The following PDZRN3 variants were observed in gnomAD, a reference collection of about 807,000 sequenced individuals.
PDZRN3 encodes the protein PDZ domain containing ring finger 3.
PDZRN3 carries 38 observed loss-of-function variants against 85.7 expected under a neutral mutation model. The observed-to-expected ratio is 0.44, with a 90% CI of 0.34 to 0.58. PDZRN3 has a LOEUF of 0.58. PDZRN3 is among the 20% of genes least tolerant of loss of function. The pLI, the probability that PDZRN3 is intolerant of heterozygous loss-of-function variation, is 0.01. For missense variants in PDZRN3, 1,629 were observed against 1,506.4 expected (o/e 1.08, Z -1.35); for synonymous variants, 759 against 638.0 (o/e 1.19, Z -2.86).
At chr3:73,521,974 A>C (rs1704377942) in intron 3 of PDZRN3, among the ~76,000 whole-genome samples, 1 of 152,230 alleles carries the variant, frequency 6.6e-6, no homozygotes, top group Admixed American at 6.5e-5. Context: ...AATCTGGCCC[A>C]TGGGCTGTTT....
chr3:73,441,587 C>G (rs997727550), intron 3 of PDZRN3, among the ~76,000 whole-genome samples: 9 of 152,096 alleles, frequency 5.9e-5, no homozygotes, highest in Non-Finnish European at 1.2e-4. Flanking sequence ...ATTTCTCTTA[C>G]CCCTATTTTA....
At chr3:73,501,117 A>G (rs1240153521) in intron 3 of PDZRN3, among the ~76,000 whole-genome samples, 1 of 152,212 alleles carries the variant, frequency 6.6e-6, no homozygotes, top group Non-Finnish European at 1.5e-5. Flanking sequence ...TTATCATTAT[A>G]AACTCTTGCT....
intron 3 of PDZRN3, among the ~76,000 whole-genome samples, chr3:73,462,114 T>C (rs1703116466): frequency 6.6e-6 from 1 of 152,222 alleles, no homozygotes; most frequent in African/African-American, 2.4e-5. Context: ...AAAAGCAAGA[T>C]GTCAGATAGA....
chr3:73,568,934 T>C (rs1439938226), intron 3 of PDZRN3, among the ~76,000 whole-genome samples: 2 of 152,206 alleles, frequency 1.3e-5, no homozygotes, highest in Non-Finnish European at 2.9e-5. Context: ...AGATTTGCAC[T>C]GTAGCAGGGA....
chr3:73,461,831 G>T (rs965977889), intron 3 of PDZRN3, among the ~76,000 whole-genome samples: 1 of 152,202 alleles, frequency 6.6e-6, no homozygotes, highest in Admixed American at 6.5e-5. Flanking sequence ...CAGAGAAAGG[G>T]TCATGATTCA....
chr3:73,574,974 A>AT (rs1237623486), intron 3 of PDZRN3, among the ~76,000 whole-genome samples: 1 of 152,240 alleles, frequency 6.6e-6, no homozygotes, highest in Non-Finnish European at 1.5e-5. Context: ...ATAAGGTGTC[A>AT]TTCCTTTGAA....
At chr3:73,438,749 C>A (rs930325146) in intron 3 of PDZRN3, among the ~76,000 whole-genome samples, 1 of 152,182 alleles carries the variant, frequency 6.6e-6, no homozygotes, top group Admixed American at 6.5e-5. Flanking sequence ...TACTACTGTT[C>A]GCCGGGCTAG....
At chr3:73,523,555 T>C (rs1282949480) in intron 3 of PDZRN3, among the ~76,000 whole-genome samples, 4 of 152,184 alleles carry the variant, frequency 2.6e-5, no homozygotes, top group East Asian at 1.9e-4. Flanking sequence ...AGGGATTCTT[T>C]GCAGGAAGAA....
intron 3 of PDZRN3, among the ~76,000 whole-genome samples, chr3:73,416,073 T>G (rs1187327013): frequency 6.6e-6 from 1 of 152,062 alleles, no homozygotes; most frequent in Non-Finnish European, 1.5e-5. Context: ...TTTGTTTGTT[T>G]GTTTGTTTTT....
intron 5 of PDZRN3, among the ~76,000 whole-genome samples, chr3:73,394,575 T>C (rs981142748): frequency 2.8e-4 from 42 of 152,310 alleles, no homozygotes; most frequent in African/African-American, 9.9e-4. Flanking sequence ...GTGAAGCACA[T>C]TTCCAATAAT....
intron 3 of PDZRN3, among the ~76,000 whole-genome samples, chr3:73,570,223 AAATG>A (rs753921136): frequency 4.6e-5 from 7 of 152,266 alleles, no homozygotes; most frequent in South Asian, 2.1e-4. Context: ...AATATTTCTC[AAATG>A]AATGAATGAA....
At chr3:73,482,678 G>C (rs1182199936) in intron 3 of PDZRN3, among the ~76,000 whole-genome samples, 1 of 152,176 alleles carries the variant, frequency 6.6e-6, no homozygotes, top group Non-Finnish European at 1.5e-5. Context: ...ACTTTAAGGA[G>C]TTGGGTAGTG....
chr3:73,414,842 C>G (rs539069901), intron 3 of PDZRN3, among the ~76,000 whole-genome samples: 1 of 152,304 alleles, frequency 6.6e-6, no homozygotes, highest in South Asian at 2.1e-4. Context: ...AATTCTACAT[C>G]AGCGATAAAC....
intron 3 of PDZRN3, among the ~76,000 whole-genome samples, chr3:73,436,955 G>A (rs147047018): frequency 1.9e-4 from 28 of 151,186 alleles, no homozygotes; most frequent in African/African-American, 6.8e-4. Context: ...CTGAGGCAGG[G>A]TAATTGCTTG....
At chr3:73,605,061 T>C (rs563149117) in intron 2 of PDZRN3, among the ~76,000 whole-genome samples, 6 of 152,162 alleles carry the variant, frequency 3.9e-5, no homozygotes, top group African/African-American at 9.6e-5. Flanking sequence ...TCTCTAGCAA[T>C]ACAAAAATTT....
At chr3:73,518,848 C>G (rs1704300080) in intron 3 of PDZRN3, among the ~76,000 whole-genome samples, 1 of 152,176 alleles carries the variant, frequency 6.6e-6, no homozygotes, top group African/African-American at 2.4e-5. Flanking sequence ...CCCCAATCCC[C>G]ACGTCCTAAC....
intron 3 of PDZRN3, among the ~76,000 whole-genome samples, chr3:73,419,023 C>T (rs145749232): frequency 1.2e-4 from 19 of 152,222 alleles, no homozygotes; most frequent in African/African-American, 4.6e-4. Context: ...AATAAAACTT[C>T]ACAGGGGCAC....
intron 3 of PDZRN3, among the ~76,000 whole-genome samples, chr3:73,490,791 G>A (rs1437522513): frequency 6.6e-6 from 1 of 152,216 alleles, no homozygotes; most frequent in Non-Finnish European, 1.5e-5. Flanking sequence ...AGTAAGGAAT[G>A]CAGGCAGTGG....
chr3:73,433,167 G>A (rs994460225), intron 3 of PDZRN3, among the ~76,000 whole-genome samples: 5 of 152,196 alleles, frequency 3.3e-5, no homozygotes, highest in Admixed American at 1.3e-4. Flanking sequence ...TGAACCATAT[G>A]TCCCACTACA....
Sources: allele counts gnomAD v4.1 joint callset (sites outside exome capture counted in the v4.1 genomes callset), GRCh38; gene constraint gnomAD v4.1.1; transcripts MANE v1.5; gene names NCBI Gene and HGNC (gene_info 2026-07-23, HGNC 2026-07-21).